SLC19A1: variants seen among roughly 807,000 people sequenced by gnomAD.
SLC19A1 encodes solute carrier family 19 member 1, also known as reduced folate transporter.
A neutral mutation model predicts 35.3 loss-of-function variants in SLC19A1; 37 were observed. The observed-to-expected ratio is 1.05, with a 90% CI of 0.81 to 1.38. The LOEUF is 1.38. SLC19A1 is among the 40% of genes most tolerant of loss of function. SLC19A1 has a pLI of 0.00. For synonymous variants in SLC19A1, 460 were observed against 398.5 expected (o/e 1.15, Z -1.84); for missense variants, 831 against 826.9 (o/e 1.00, Z -0.06).
chr21:45,531,312 G>T lies in SLC19A1; in HGVS notation c.949+77C>A, dbSNP rs546860829. On this transcript the variant is annotated intron_variant, in intron 3 of 5. Transcript: ENST00000311124. ...GGGGGCGGGAGAGGGAGCCTCCGGG[G>T]GAAGGATCCACGGGGCAGGCGGAGG... is the stretch of plus-strand genomic sequence containing the variant. The T allele has an allele frequency of 6.7e-5, 101 of 1,513,764 alleles. No homozygotes were observed. In the South Asian group the frequency reaches 1.3e-3, roughly 19 times the overall value. 93.8% of individuals were successfully genotyped at this position (1,513,764 alleles called of 1,614,324 possible). A position where few individuals can be genotyped will look rare whatever the true frequency, so the allele number is the denominator to read the frequency against.
chr21:45,514,883 G>T lies in SLC19A1; in HGVS notation c.*775C>A, dbSNP rs1171666305. The T allele has an allele frequency of 9.7e-6, 10 of 1,026,240 alleles. No homozygotes were observed. Among genetic ancestry groups the T allele is most frequent in the Non-Finnish European group, 1.4e-5 (10 of 738,278 alleles). The allele number at this position is 1,026,240 out of a possible 1,614,324, so 63.6% of individuals were successfully genotyped here. A position where few individuals can be genotyped will look rare whatever the true frequency, so the allele number is the denominator to read the frequency against. ...CCCCAAGGCTGCCCAGCCCAGGCAA[G>T]CCTGGCACATACCAAGGCCAGCACG... is the stretch of plus-strand genomic sequence containing the variant. On this transcript the variant is annotated 3_prime_UTR_variant, in exon 6 of 6. Coordinates refer to ENST00000311124, the MANE Select transcript of SLC19A1 (RefSeq NM_194255.4).
At chr21:45,525,482 C>T (rs1307492288) in intron 5 of SLC19A1, among the ~76,000 whole-genome samples, 1 of 152,262 alleles carries the variant, frequency 6.6e-6, no homozygotes, top group African/African-American at 2.4e-5. Flanking sequence ...ACAAAGGTCA[C>T]GTGGCCTCCA....
intron 5 of SLC19A1, 53 bp from the exon 6 acceptor site, chr21:45,516,193 G>T: frequency 7.0e-7 from 1 of 1,425,834 alleles, no homozygotes; most frequent in Non-Finnish European, 9.7e-7. Context: ...TGGGACACTG[G>T]CACCCTACAC....
chr21:45,511,762 G>T (rs1461424902), downstream of SLC19A1, among the ~76,000 whole-genome samples: 2 of 152,210 alleles, frequency 1.3e-5, no homozygotes, highest in African/African-American at 4.8e-5. Context: ...CTGGCCATCT[G>T]CTGTAACGGA....
intron 1 of SLC19A1, among the ~76,000 whole-genome samples, chr21:45,561,463 T>C (rs565129113): frequency 1.2e-4 from 19 of 152,196 alleles, no homozygotes; most frequent in Admixed American, 3.9e-4. Context: ...GGACTCTGCA[T>C]TGGAAGTGAG....
chr21:45,553,307 G>A (rs1159734779), intron 1 of SLC19A1, among the ~76,000 whole-genome samples: 1 of 152,012 alleles, frequency 6.6e-6, no homozygotes, highest in Non-Finnish European at 1.5e-5. Context: ...GCTGTGTGAA[G>A]GACACGACTC....
chr21:45,554,334 C>T (rs1475450518), intron 1 of SLC19A1, among the ~76,000 whole-genome samples: 1 of 294 alleles, frequency 3.4e-3, no homozygotes, highest in African/African-American at 0.014. Context: ...CCTCCCAATC[C>T]CCCACGCCCC....
chr21:45,531,884 C>T lies in SLC19A1; in HGVS notation c.454G>A (p.Val152Met). The T allele has an allele frequency of 6.3e-7, 1 of 1,587,726 alleles. No individual in the cohort carries two copies. The highest frequency in any genetic ancestry group is 8.6e-7 in the Non-Finnish European group (1 of 1,167,778). The change falls in exon 3 of 6, where the codon GTG becomes ATG. Residue 152 changes from valine to methionine, a missense_variant. Val to Met is a conservative substitution (Grantham distance 21, BLOSUM62 1). Coordinates refer to ENST00000311124, the MANE Select transcript of SLC19A1 (RefSeq NM_194255.4). ...SLVRPARYQRVAGYSRAAVLL... is the reference protein window; with the variant it reads ...SLVRPARYQRMAGYSRAAVLL... ...ACCGCAGCGCGCGAGTAGCCGGCCA[C>T]ACGCTGGTAGCGCGCGGGCCGCACG...
At position 45,540,347 on chromosome 21, in the gene SLC19A1, G is replaced by T. The variant is rs1208021932; in HGVS notation, c.-50+2021C>A. On this transcript the variant is annotated intron_variant, in intron 1 of 5. Transcript: ENST00000311124. This position sits in a 1 kb window ranked among gnomAD's most constrained non-coding sequence, Gnocchi z 5.5. ...CATCAGGAGCTGAACTAAGCCCAGG[G>T]TCTGCGCCCACAGTCCATGGCCGCA... Among the ~76,000 whole-genome samples the T allele has an allele frequency of 6.6e-6, 1 of 152,152 alleles. No individual in the cohort carries two copies. Among genetic ancestry groups the T allele is most frequent in the Admixed American group, 6.5e-5 (1 of 15,280 alleles).
chr21:45,512,290 G>C (rs1328543313), downstream of SLC19A1: 1 of 1,612,200 alleles, frequency 6.2e-7, no homozygotes, highest in Non-Finnish European at 8.5e-7. Context: ...CCACGGGCCA[G>C]GCCTCCTCGC....
intron 3 of SLC19A1, chr21:45,504,213 G>A: frequency 3.1e-6 from 3 of 955,596 alleles, no homozygotes; most frequent in African/African-American, 1.6e-5. Context: ...CCCTCAGGAT[G>A]TTCCTGTCCC....
intron 4 of SLC19A1, among the ~76,000 whole-genome samples, chr21:45,528,742 T>G (rs2077739211): frequency 6.6e-6 from 1 of 152,214 alleles, no homozygotes; most frequent in South Asian, 2.1e-4. Flanking sequence ...AAATGGTGAC[T>G]TTACCCATAG....
Position 45,517,729 on chromosome 21 carries a change from G to A in SLC19A1, c.1294-1589C>T, listed in dbSNP as rs968050824. Among the ~76,000 whole-genome samples the A allele has an allele frequency of 6.6e-6, 1 of 152,058 alleles. No individual in the cohort carries two copies. The highest frequency in any genetic ancestry group is 2.4e-5 in the African/African-American group (1 of 41,392). On this transcript the variant is annotated intron_variant, in intron 5 of 5. Coordinates refer to ENST00000311124, the MANE Select transcript of SLC19A1 (RefSeq NM_194255.4). The surrounding 1 kb of genome is among the most constrained non-coding windows in gnomAD (Gnocchi z 4.4). ...AGACTTTCACCTACCCAGCAATAAT[G>A]AGAATGTCCCAACCCCAGGGGCATC...
intron 4 of SLC19A1, among the ~76,000 whole-genome samples, chr21:45,529,876 T>TGTGAGTGTG (rs1406345927): frequency 6.6e-6 from 1 of 150,524 alleles, no homozygotes; most frequent in African/African-American, 2.5e-5. Context: ...GGTGCATTCA[T>TGTGAGTGTG]GTGAGTGTGG....
intron 4 of SLC19A1, among the ~76,000 whole-genome samples, chr21:45,527,393 T>C (rs1411276257): frequency 1.6e-4 from 17 of 108,772 alleles, no homozygotes; most frequent in South Asian, 1.3e-3. Flanking sequence ...GGCAGCAGGT[T>C]AGGACGGGCC....
chr21:45,554,983 C>A (rs1229269912), intron 1 of SLC19A1, among the ~76,000 whole-genome samples: 1 of 151,386 alleles, frequency 6.6e-6, no homozygotes, highest in Admixed American at 6.6e-5. Flanking sequence ...GTTTCCAGAA[C>A]CCCGCGCCCA....
In SLC19A1 at chr21:45,537,874, A is replaced by G; in HGVS notation, c.86T>C (p.Val29Ala). ...GAAGCCGTAGAAGCAAAGGTAGCAC[A>G]CGAGGTGCCGCCAGGACCGGAGCTC... ...DPELRSWRHL[V>A]CYLCFYGFMA... The change falls in exon 2 of 6, where the codon GTG becomes GCG. Residue 29 changes from valine (V) to alanine (A), a missense_variant. Val to Ala is a moderately conservative substitution (Grantham distance 64). Coordinates refer to ENST00000311124, the MANE Select transcript of SLC19A1 (RefSeq NM_194255.4). 1 of 1,606,004 alleles carries G rather than the reference A, an allele frequency of 6.2e-7. No homozygotes were observed. The highest frequency in any genetic ancestry group is 1.1e-5 in the South Asian group (1 of 89,850).
chr21:45,504,999 G>A (rs537708812), intron 3 of SLC19A1: 49 of 1,123,346 alleles, frequency 4.4e-5, no homozygotes, highest in South Asian at 2.4e-4. Flanking sequence ...AGGCTATGGC[G>A]TGGGCAGGGA....
rs182190612 is a variant in SLC19A1 at position 45,540,321 on chromosome 21, C to A, written c.-50+2047G>T. The stretch of plus-strand genomic sequence containing the variant: ...CCAGATCGCCGCAGACAACGGGGAG[C>A]CATCAGGAGCTGAACTAAGCCCAGG... On this transcript the variant is annotated intron_variant, in intron 1 of 5. Transcript: ENST00000311124. The surrounding 1 kb of genome is among the most constrained non-coding windows in gnomAD (Gnocchi z 5.5). Among the ~76,000 whole-genome samples, 2 of 152,306 alleles carry A rather than the reference C, an allele frequency of 1.3e-5. No homozygotes were observed. Among genetic ancestry groups the A allele is most frequent in the African/African-American group, 4.8e-5 (2 of 41,572 alleles).
Sources: allele counts gnomAD v4.1 joint callset (sites outside exome capture counted in the v4.1 genomes callset), GRCh38; gene constraint gnomAD v4.1.1; non-coding constraint Gnocchi (gnomAD v3.1); transcripts MANE v1.5; gene names NCBI Gene and HGNC (gene_info 2026-07-23, HGNC 2026-07-21).